CYP20A1: variants seen among roughly 807,000 people sequenced by gnomAD.
CYP20A1 encodes cytochrome P450 family 20 subfamily A member 1, also known as cytochrome P450 20A1.
Under a neutral mutation model 61.4 loss-of-function variants are expected in CYP20A1, and 61 were observed. That is an observed-to-expected ratio of 0.99 (90% CI 0.81 to 1.23). The LOEUF is 1.23. Ranked by LOEUF, CYP20A1 falls within the 50% of genes most tolerant of loss-of-function variation. The probability of loss-of-function intolerance (pLI) is 0.00; values close to 1 mark genes in which losing one functional copy is unlikely to be tolerated. For synonymous variants in CYP20A1, 193 were observed against 188.2 expected (o/e 1.03, Z -0.21); for missense variants, 530 against 542.4 (o/e 0.98, Z 0.23).
rs1383206153 is a variant in CYP20A1, at chr2:203,266,557, C to T, written c.476C>T (p.Thr159Ile). Residue 159 changes from threonine (T) to isoleucine (I), a missense_variant, in exon 5 of 13, where the codon ACC becomes ATC. Transcript: ENST00000356079. ...GATAAATGGCTCTCCTACCCAGAGA[C>T]CCAGCACGTGCCCCTCAGCCAGCAT... ...LLDKWLSYPE[T>I]QHVPLSQHML... The T allele has an allele frequency of 1.2e-6, 2 of 1,613,982 alleles. No individual in the cohort carries two copies. The highest frequency in any genetic ancestry group is 1.7e-6 in the Non-Finnish European group (2 of 1,179,892).
chr2:203,243,198 C>T (rs868029638), intron 1 of CYP20A1, among the ~76,000 whole-genome samples: 6 of 152,026 alleles, frequency 3.9e-5, no homozygotes, highest in Non-Finnish European at 7.4e-5. Flanking sequence ...GGCTGGAGTG[C>T]AATGGTGTGG....
intron 4 of CYP20A1, among the ~76,000 whole-genome samples, chr2:203,254,192 A>G (rs1448659447): frequency 6.6e-6 from 1 of 151,480 alleles, no homozygotes; most frequent in Non-Finnish European, 1.5e-5. Context: ...GTGATCCACC[A>G]CCTCAGCCTC....
chr2:203,277,018 G>A (rs1395365880), intron 6 of CYP20A1, among the ~76,000 whole-genome samples: 2 of 152,100 alleles, frequency 1.3e-5, no homozygotes, highest in Non-Finnish European at 2.9e-5. Context: ...AGGGAAGTGT[G>A]GAGTCTAGGG....
At chr2:203,287,215 C>CAAAAAAAAAAAAAA (rs1168549640) in intron 9 of CYP20A1, among the ~76,000 whole-genome samples, 1 of 47,052 alleles carries the variant, frequency 2.1e-5, no homozygotes, top group African/African-American at 9.0e-5. Context: ...GACCCTATCT[C>CAAAAAAAAAAAAAA]AAAAAAAAAA....
At chr2:203,284,321 T>C (rs1479828122) in intron 8 of CYP20A1, among the ~76,000 whole-genome samples, 1 of 152,192 alleles carries the variant, frequency 6.6e-6, no homozygotes, top group East Asian at 1.9e-4. Context: ...ACAATAGAGC[T>C]ACAGATGGTG....
intron 11 of CYP20A1, 30 bp downstream of exon 11, chr2:203,292,356 C>G (rs1364815671): frequency 4.5e-6 from 7 of 1,553,170 alleles, no homozygotes; most frequent in Non-Finnish European, 5.3e-6. Flanking sequence ...GTATTTGTGA[C>G]TGTCAGTTTT....
intron 5 of CYP20A1, among the ~76,000 whole-genome samples, chr2:203,268,253 C>G (rs2067415551): frequency 6.6e-6 from 1 of 152,152 alleles, no homozygotes; most frequent in African/African-American, 2.4e-5. Flanking sequence ...ACATAGTTAT[C>G]AAGTTTCTTT....
At chr2:203,263,331 C>G (rs2067210335) in intron 4 of CYP20A1, among the ~76,000 whole-genome samples, 1 of 148,614 alleles carries the variant, frequency 6.7e-6, no homozygotes, top group Admixed American at 6.8e-5. Flanking sequence ...CCCTCTGTCG[C>G]CAGGCTGGAG....
At position 203,278,617 on chromosome 2, in the gene CYP20A1, C is replaced by T. The variant is rs1175463458; in HGVS notation, c.724C>T (p.Arg242Ter). Residue 242 changes from arginine to a stop codon, truncating the protein, a stop_gained, in exon 7 of 13, where the codon CGA (arginine) becomes TGA (stop). Coordinates refer to ENST00000356079, the MANE Select transcript of CYP20A1 (RefSeq NM_177538.3). LOFTEE classifies it high-confidence loss of function. ...TGTTTTAAGGAACATCATAAAAGAA[C>T]GAAAAGGAAGGAACTTCAGTCAACA... ...ESVLRNIIKE[R>*]KGRNFSQHIF... The T allele has an allele frequency of 1.8e-5, 29 of 1,606,162 alleles. 1 individual carries two copies. The highest frequency in any genetic ancestry group is 1.6e-4 in the South Asian group (14 of 89,022).
chr2:203,263,008 T>G lies in CYP20A1; in HGVS notation c.433-3506T>G, dbSNP rs541816137. ...TTTTTGTTTTCTGTTTTTTGTTTTTTTTTGAGACGAAGTCTTGCTCTTGTC... is the reference window on the plus strand; with the variant it reads ...TTTTTGTTTTCTGTTTTTTGTTTTTGTTTGAGACGAAGTCTTGCTCTTGTC... On this transcript the variant is annotated intron_variant, in intron 4 of 12. Coordinates refer to ENST00000356079, the MANE Select transcript of CYP20A1 (RefSeq NM_177538.3). Among the ~76,000 whole-genome samples the G allele has an allele frequency of 9.8e-4, 148 of 150,596 alleles. 1 individual carries two copies. The highest frequency in any genetic ancestry group is 5.9e-5 in the Non-Finnish European group (4 of 67,722).
At chr2:203,273,590 A>G (rs1212734597) in intron 6 of CYP20A1, among the ~76,000 whole-genome samples, 1 of 152,176 alleles carries the variant, frequency 6.6e-6, no homozygotes, top group African/African-American at 2.4e-5. Context: ...ACTTCAGCTC[A>G]GGATTTTGAG....
chr2:203,245,812 G>T, intron 1 of CYP20A1, 34 bp from the exon 2 acceptor site: 1 of 1,399,884 alleles, frequency 7.1e-7, no homozygotes, highest in South Asian at 1.2e-5. Flanking sequence ...TGGGATATAT[G>T]ATAATTCATT....
At chr2:203,283,496 G>A (rs537671177) in intron 8 of CYP20A1, among the ~76,000 whole-genome samples, 124 of 150,630 alleles carry the variant, frequency 8.2e-4, no homozygotes, top group African/African-American at 2.8e-3. Flanking sequence ...GATTACAGGC[G>A]TGAGCCACCA....
chr2:203,253,425 C>T (rs569531571), intron 4 of CYP20A1, among the ~76,000 whole-genome samples: 30 of 152,292 alleles, frequency 2.0e-4, no homozygotes, highest in Non-Finnish European at 3.2e-4. Flanking sequence ...CCTGCCATCT[C>T]GGGTCCTTTC....
At position 203,239,070 on chromosome 2, in the gene CYP20A1, A is replaced by ACTTCGCGAT; in HGVS notation, c.15_23dup (p.Ile6_Ala8dup). 1 of 1,613,512 alleles carries ACTTCGCGAT rather than the reference A, an allele frequency of 6.2e-7. No homozygotes were observed. Among genetic ancestry groups the ACTTCGCGAT allele is most frequent in the Non-Finnish European group, 8.5e-7 (1 of 1,179,742 alleles). ...TCCCTGGGCGGCAGAACCATGTTGGACTTCGCGATCTTCGCCGTTACCTTC... is the reference window on the plus strand; with the variant it reads ...TCCCTGGGCGGCAGAACCATGTTGGACTTCGCGATCTTCGCGATCTTCGCCGTTACCTTC... On this transcript the variant is annotated inframe_insertion, in exon 1 of 13. Transcript: ENST00000356079.
chr2:203,269,909 G>A (rs557707045), intron 5 of CYP20A1, among the ~76,000 whole-genome samples: 3 of 152,178 alleles, frequency 2.0e-5, no homozygotes, highest in East Asian at 1.9e-4. Flanking sequence ...GATTACAGGC[G>A]TGAGCCACCA....
intron 4 of CYP20A1, among the ~76,000 whole-genome samples, chr2:203,261,056 G>A (rs1423321348): frequency 6.6e-6 from 1 of 151,544 alleles, no homozygotes; most frequent in Non-Finnish European, 1.5e-5. Context: ...ATAATTATTT[G>A]AACAGAGAAA....
intron 10 of CYP20A1, among the ~76,000 whole-genome samples, chr2:203,290,617 C>T (rs2068492730): frequency 6.6e-6 from 1 of 151,904 alleles, no homozygotes; most frequent in South Asian, 2.1e-4. Flanking sequence ...CATAATATTC[C>T]ATTGTGTGAA....
intron 4 of CYP20A1, among the ~76,000 whole-genome samples, chr2:203,261,059 C>A (rs1227714500): frequency 6.6e-6 from 1 of 151,460 alleles, no homozygotes; most frequent in African/African-American, 2.4e-5. Flanking sequence ...ATTATTTGAA[C>A]AGAGAAAGTT....
Sources: gnomAD v4.1 joint callset for allele counts (sites outside exome capture counted in the v4.1 genomes callset) on GRCh38, gnomAD v4.1.1 for gene constraint, MANE v1.5 for transcripts, NCBI Gene and HGNC (gene_info 2026-07-23, HGNC 2026-07-21) for gene names.